The following CHRNA7 variants were observed in gnomAD, a reference collection of about 807,000 sequenced individuals.
The protein encoded by CHRNA7 is neuronal acetylcholine receptor subunit alpha-7.
CHRNA7 carries 17 observed loss-of-function variants against 48.0 expected under a neutral mutation model. The ratio of observed to expected loss-of-function variants is 0.35; its 90% CI spans 0.24 to 0.53. The LOEUF (loss-of-function observed/expected upper bound fraction) is 0.53. Ranked by LOEUF, CHRNA7 falls within the 20% of genes least tolerant of loss-of-function variation. The pLI is 0.92. For synonymous variants in CHRNA7, 75 were observed against 242.3 expected, an observed-to-expected ratio of 0.31 and a Z score of 6.41; for missense variants, 155 against 577.7, an observed-to-expected ratio of 0.27 and a Z score of 7.50.
chr15:32,087,612 T>G (rs1489289852), intron 2 of CHRNA7, among the ~76,000 whole-genome samples: 1 of 152,246 alleles, frequency 6.6e-6, no homozygotes, highest in Admixed American at 6.5e-5. Flanking sequence ...GTATCCTTAT[T>G]AAGCTAAACG....
At chr15:32,124,582 A>G (rs2051032045) in intron 4 of CHRNA7, among the ~76,000 whole-genome samples, 1 of 152,264 alleles carries the variant, frequency 6.6e-6, no homozygotes, top group African/African-American at 2.4e-5. Flanking sequence ...GAAAATTCAT[A>G]AGCAGATAAA....
chr15:32,050,993 T>A (rs1281771423), intron 2 of CHRNA7, among the ~76,000 whole-genome samples: 1 of 152,106 alleles, frequency 6.6e-6, no homozygotes, highest in Non-Finnish European at 1.5e-5. Context: ...TGCTGTCTGA[T>A]CGTTCCTCTG....
In CHRNA7 at chr15:32,149,080, G is replaced by A. The variant is rs775041882; in HGVS notation, c.351-4827G>A. On this transcript the variant is annotated intron_variant, in intron 4 of 9. Coordinates refer to ENST00000306901, the MANE Select transcript of CHRNA7 (RefSeq NM_000746.6). This position sits in a 1 kb window ranked among gnomAD's most constrained non-coding sequence, Gnocchi z 4.6. ...CCCCAGTCATTGCTGGCTGGGGGAGGACAAAGGCAGCCAGATAAAGGCAGC... is the reference window on the plus strand; with the variant it reads ...CCCCAGTCATTGCTGGCTGGGGGAGAACAAAGGCAGCCAGATAAAGGCAGC... Among the ~76,000 whole-genome samples the A allele has an allele frequency of 6.3e-4, 96 of 152,344 alleles. No homozygotes were observed. The highest frequency in any genetic ancestry group is 1.5e-4 in the Non-Finnish European group (10 of 68,034).
intron 4 of CHRNA7, among the ~76,000 whole-genome samples, chr15:32,125,774 G>A (rs1423694229): frequency 6.6e-6 from 1 of 152,164 alleles, no homozygotes; most frequent in Non-Finnish European, 1.5e-5. Flanking sequence ...GTGGAGTACA[G>A]CTCAGGAATC....
intron 2 of CHRNA7, among the ~76,000 whole-genome samples, chr15:32,057,560 A>G (rs1039570609): frequency 6.6e-6 from 1 of 152,198 alleles, no homozygotes; most frequent in African/African-American, 2.4e-5. Context: ...TTGAAAATCA[A>G]TTGGCCAAAA....
At chr15:32,141,131 T>C (rs148118864) in intron 4 of CHRNA7, among the ~76,000 whole-genome samples, 4 of 152,352 alleles carry the variant, frequency 2.6e-5, no homozygotes, top group Admixed American at 6.5e-5. Context: ...GTTTCAGCTT[T>C]ATACATATGG....
At chr15:32,086,399 C>CTTTTATT (rs1240854297) in intron 2 of CHRNA7, among the ~76,000 whole-genome samples, 12 of 146,226 alleles carry the variant, frequency 8.2e-5, no homozygotes, top group Admixed American at 1.4e-4. Flanking sequence ...AAGATAAACA[C>CTTTTATT]TTTTATTTTT....
rs117844143 is a variant in CHRNA7 at position 32,039,129 on chromosome 15, T to C, written c.195+8092T>C. Among the ~76,000 whole-genome samples, 510 of 152,290 alleles carry C rather than the reference T, an allele frequency of 3.3e-3. 1 individual carries two copies. The highest frequency in any genetic ancestry group is 4.7e-3 in the Non-Finnish European group (317 of 67,996). On this transcript the variant is annotated intron_variant, in intron 2 of 9. Coordinates refer to ENST00000306901, the MANE Select transcript of CHRNA7 (RefSeq NM_000746.6). ...TGATGTCTTCTACTTCTGATATTAGTTATTTTTGTCCTTTCTCATTTTTTT... is the reference window on the plus strand; with the variant it reads ...TGATGTCTTCTACTTCTGATATTAGCTATTTTTGTCCTTTCTCATTTTTTT...
intron 4 of CHRNA7, among the ~76,000 whole-genome samples, chr15:32,129,461 A>G (rs1430973066): frequency 6.6e-6 from 1 of 151,936 alleles, no homozygotes; most frequent in Non-Finnish European, 1.5e-5. Context: ...CAGCTTATTT[A>G]TAGCCTATTG....
At chr15:32,151,984 T>C (rs78827942) in intron 4 of CHRNA7, among the ~76,000 whole-genome samples, 12,995 of 152,280 alleles carry the variant, frequency 0.085, 792 homozygotes, top group Non-Finnish European at 0.14. Flanking sequence ...TCTGGGGTGC[T>C]GGTACTTTGA....
intron 3 of CHRNA7, chr15:32,101,997 G>A (rs2050580880): frequency 6.6e-6 from 1 of 152,066 alleles, no homozygotes; most frequent in African/African-American, 2.4e-5. Flanking sequence ...ATATGAACAA[G>A]CCTTTTTTTA....
intron 2 of CHRNA7, among the ~76,000 whole-genome samples, chr15:32,069,344 G>A (rs1333326601): frequency 3.3e-5 from 5 of 152,190 alleles, no homozygotes; most frequent in Admixed American, 2.6e-4. Flanking sequence ...TTTATTCAGT[G>A]CAATAGTCAA....
At chr15:32,036,896 T>C (rs1203727649) in intron 2 of CHRNA7, among the ~76,000 whole-genome samples, 1 of 152,138 alleles carries the variant, frequency 6.6e-6, no homozygotes, top group Admixed American at 6.5e-5. Context: ...TCTCATTCTC[T>C]TTACATTGTA....
intron 2 of CHRNA7, 37 bp from the exon 3 acceptor site, chr15:32,101,265 AT>A (rs1339009319): frequency 1.3e-6 from 2 of 1,571,820 alleles, no homozygotes; most frequent in Non-Finnish European, 1.7e-6. Flanking sequence ...TTTGTAAACC[AT>A]ATTATTTATG....
intron 2 of CHRNA7, among the ~76,000 whole-genome samples, chr15:32,090,211 A>T (rs1264452700): frequency 6.6e-6 from 1 of 152,128 alleles, no homozygotes; most frequent in Non-Finnish European, 1.5e-5. Flanking sequence ...GGACCAGTGT[A>T]ATTTCCCTAG....
intron 2 of CHRNA7, chr15:32,099,553 A>C (rs2050535643): frequency 6.6e-6 from 1 of 152,222 alleles, no homozygotes; most frequent in East Asian, 1.9e-4. Flanking sequence ...GTAGTAATTG[A>C]GCTCCCAAAC....
At chr15:32,130,766 GTAGA>G (rs2051141697) in intron 4 of CHRNA7, among the ~76,000 whole-genome samples, 1 of 151,868 alleles carries the variant, frequency 6.6e-6, no homozygotes, top group Non-Finnish European at 1.5e-5. Flanking sequence ...TTCAAGTAAA[GTAGA>G]TAAATTTTCT....
In CHRNA7 at chr15:32,115,463, C is replaced by T. The variant is rs557810651; in HGVS notation, c.350+3564C>T. 1.1e-4 allele frequency among the ~76,000 whole-genome samples: 17 copies of T among 152,166 alleles called. No homozygotes were observed. In the South Asian group the frequency reaches 3.3e-3, roughly 30 times the overall value. Reference sequence around the variant, plus strand: ...CCCCTTCCTGCCTGGACACACTGTGCAGCCCCCAGGTATGTGCTGACCAGC... The same window carrying T: ...CCCCTTCCTGCCTGGACACACTGTGTAGCCCCCAGGTATGTGCTGACCAGC... On this transcript the variant is annotated intron_variant, in intron 4 of 9. Transcript: ENST00000306901.
At chr15:32,078,973 C>T (rs2050175698) in intron 2 of CHRNA7, among the ~76,000 whole-genome samples, 1 of 152,162 alleles carries the variant, frequency 6.6e-6, no homozygotes, top group African/African-American at 2.4e-5. Context: ...CAGATTCATC[C>T]CTGGGATGCA....
Sources: allele counts gnomAD v4.1 joint callset (sites outside exome capture counted in the v4.1 genomes callset), GRCh38; gene constraint gnomAD v4.1.1; non-coding constraint Gnocchi (gnomAD v3.1); transcripts MANE v1.5; gene names NCBI Gene and HGNC (gene_info 2026-07-23, HGNC 2026-07-21).